The following TAFA1 variants were observed in gnomAD, a reference collection of about 807,000 sequenced individuals.
TAFA1 encodes the protein TAFA chemokine like family member 1.
A neutral mutation model predicts 18.5 loss-of-function variants in TAFA1; 4 were observed. The observed-to-expected ratio is 0.22, with a 90% CI of 0.11 to 0.49. The LOEUF is 0.49. Among genes scored for constraint, TAFA1 ranks in the 20% least tolerant of loss-of-function variants. The pLI, the probability that TAFA1 is intolerant of heterozygous loss-of-function variation, is 0.98. For missense variants in TAFA1, 147 were observed against 169.0 expected, an observed-to-expected ratio of 0.87 and a Z score of 0.72; for synonymous variants, 56 against 55.2, an observed-to-expected ratio of 1.01 and a Z score of -0.06.
chr3:68,415,176 C>G (rs1304893231), intron 2 of TAFA1, among the ~76,000 whole-genome samples: 3 of 152,168 alleles, frequency 2.0e-5, no homozygotes, highest in African/African-American at 4.8e-5. Flanking sequence ...TATTTCTTCT[C>G]CTTCGCTACC....
At chr3:68,443,819 C>T (rs2071428750) in intron 3 of TAFA1, among the ~76,000 whole-genome samples, 1 of 152,136 alleles carries the variant, frequency 6.6e-6, no homozygotes, top group Admixed American at 6.6e-5. Flanking sequence ...GATTCCTCCT[C>T]ATATTCTGAC....
chr3:68,424,419 C>T (rs2106818136), intron 3 of TAFA1, among the ~76,000 whole-genome samples: 1 of 152,050 alleles, frequency 6.6e-6, no homozygotes, highest in East Asian at 1.9e-4. Flanking sequence ...GATTCATTTT[C>T]CCCAAGAACT....
chr3:68,465,545 T>C (rs1229063603), intron 3 of TAFA1, among the ~76,000 whole-genome samples: 3 of 152,194 alleles, frequency 2.0e-5, no homozygotes, highest in African/African-American at 7.2e-5. Context: ...TAGCTGTGAG[T>C]GAAATAACTT....
chr3:68,477,964 T>C (rs938762791), intron 3 of TAFA1, among the ~76,000 whole-genome samples: 1 of 152,194 alleles, frequency 6.6e-6, no homozygotes, highest in African/African-American at 2.4e-5. Flanking sequence ...ACTAATGGCT[T>C]GGAAATCATT....
intron 2 of TAFA1, among the ~76,000 whole-genome samples, chr3:68,317,560 G>A (rs1343967256): frequency 6.6e-6 from 1 of 152,112 alleles, no homozygotes; most frequent in Non-Finnish European, 1.5e-5. Flanking sequence ...TGAAATCATT[G>A]AAAACTCCCT....
chr3:68,436,138 C>A (rs530051692), intron 3 of TAFA1, among the ~76,000 whole-genome samples: 3 of 152,224 alleles, frequency 2.0e-5, no homozygotes, highest in East Asian at 3.9e-4. Context: ...AAAATTATTT[C>A]TGTTCTTTTA....
chr3:68,029,981 TC>T (rs1559709267), intron 2 of TAFA1, among the ~76,000 whole-genome samples: 2 of 152,154 alleles, frequency 1.3e-5, no homozygotes, highest in Non-Finnish European at 2.9e-5. Context: ...TCTGTAGAGA[TC>T]CTATGATCAG....
intron 2 of TAFA1, among the ~76,000 whole-genome samples, chr3:68,240,728 C>T (rs1037279396): frequency 1.3e-5 from 2 of 152,096 alleles, no homozygotes; most frequent in Non-Finnish European, 2.9e-5. Context: ...TGCTTCCTTC[C>T]CCTCCTTCAG....
chr3:68,138,104 G>C (rs2065629248), intron 2 of TAFA1, among the ~76,000 whole-genome samples: 1 of 152,070 alleles, frequency 6.6e-6, no homozygotes, highest in Non-Finnish European at 1.5e-5. Context: ...CAGCCCATTA[G>C]GTCTCTTCCT....
chr3:68,369,805 A>G (rs887216683), intron 2 of TAFA1, among the ~76,000 whole-genome samples: 4 of 152,214 alleles, frequency 2.6e-5, no homozygotes, highest in African/African-American at 4.8e-5. Flanking sequence ...ACATTTGCAC[A>G]TTCTATTAGA....
At chr3:68,044,020 G>C (rs1705220332) in intron 2 of TAFA1, among the ~76,000 whole-genome samples, 1 of 152,110 alleles carries the variant, frequency 6.6e-6, no homozygotes, top group Non-Finnish European at 1.5e-5. Context: ...AAAAGGCTAG[G>C]AAAATCACAG....
intron 3 of TAFA1, among the ~76,000 whole-genome samples, chr3:68,502,651 T>A (rs1301604703): frequency 1.3e-5 from 2 of 152,036 alleles, no homozygotes; most frequent in Non-Finnish European, 2.9e-5. Flanking sequence ...TATTCCCCCC[T>A]GATTCTCCCC....
At chr3:68,333,147 C>A (rs991475263) in intron 2 of TAFA1, among the ~76,000 whole-genome samples, 1 of 152,100 alleles carries the variant, frequency 6.6e-6, no homozygotes, top group Non-Finnish European at 1.5e-5. Context: ...AAATCCTATT[C>A]TTGGGTATAT....
intron 2 of TAFA1, among the ~76,000 whole-genome samples, chr3:68,136,481 G>A (rs2065609294): frequency 2.6e-5 from 4 of 152,224 alleles, no homozygotes; most frequent in South Asian, 4.1e-4. Flanking sequence ...AATTATGATC[G>A]CTCTGGGGCC....
chr3:68,509,245 G>A (rs1438822214), intron 3 of TAFA1, among the ~76,000 whole-genome samples: 1 of 152,102 alleles, frequency 6.6e-6, no homozygotes, highest in African/African-American at 2.4e-5. Flanking sequence ...AAGAAAGAAT[G>A]TATCAAGTTA....
At chr3:68,338,589 G>T (rs182335493) in intron 2 of TAFA1, among the ~76,000 whole-genome samples, 5 of 152,202 alleles carry the variant, frequency 3.3e-5, no homozygotes, top group Admixed American at 1.3e-4. Context: ...TGTGAATATT[G>T]TTGTCCTCTT....
chr3:68,176,749 G>A (rs1208901611), intron 2 of TAFA1, among the ~76,000 whole-genome samples: 1 of 152,126 alleles, frequency 6.6e-6, no homozygotes, highest in African/African-American at 2.4e-5. Context: ...ACATAAAATA[G>A]CAAAGAGTTC....
At chr3:68,230,875 T>C (rs535454062) in intron 2 of TAFA1, among the ~76,000 whole-genome samples, 1 of 152,200 alleles carries the variant, frequency 6.6e-6, no homozygotes, top group Non-Finnish European at 1.5e-5. Context: ...ATATTAGTGA[T>C]GTTGAATATT....
intron 3 of TAFA1, among the ~76,000 whole-genome samples, chr3:68,436,519 C>A (rs1028142453): frequency 6.6e-6 from 1 of 152,086 alleles, no homozygotes; most frequent in African/African-American, 2.4e-5. Flanking sequence ...AAAAAACTTA[C>A]AAAGTCAAGT....
Sources: allele counts gnomAD v4.1 joint callset (sites outside exome capture counted in the v4.1 genomes callset), GRCh38; gene constraint gnomAD v4.1.1; transcripts MANE v1.5; gene names NCBI Gene and HGNC (gene_info 2026-07-23, HGNC 2026-07-21).